Variants in CENPS observed in about 807,000 individuals in gnomAD.
CENPS encodes centromere protein S.
In CENPS, 16 loss-of-function variants were observed where a neutral mutation model predicts 17.9. The ratio of observed to expected loss-of-function variants is 0.90; its 90% CI spans 0.61 to 1.36. The LOEUF (loss-of-function observed/expected upper bound fraction) is 1.36. Among genes scored for constraint, CENPS ranks in the 40% most tolerant of loss-of-function variants. The pLI is 0.00. For missense variants in CENPS, 160 were observed against 158.6 expected (o/e 1.01, Z -0.05); for synonymous variants, 49 against 55.8 (o/e 0.88, Z 0.54).
intron 1 of CENPS, among the ~76,000 whole-genome samples, chr1:10,431,841 G>GAGACTCCGCA (rs1280625633): frequency 1.8e-5 from 2 of 110,070 alleles, no homozygotes; most frequent in African/African-American, 4.3e-5. Context: ...GTGACAGAGC[G>GAGACTCCGCA]AGACTCCATC....
At chr1:10,437,858 A>G (rs1750349) in intron 3 of CENPS, among the ~76,000 whole-genome samples, 72,950 of 143,900 alleles carry the variant, frequency 0.51, 17,869 homozygotes, top group South Asian at 0.6. Context: ...TGCCTTGCGG[A>G]TTCAAGTGAT....
At chr1:10,431,088 A>G in intron 1 of CENPS, 2 of 1,390,548 alleles carry the variant, frequency 1.4e-6, no homozygotes. Flanking sequence ...GATCGTATCG[A>G]CTCGGCCCAG....
chr1:10,434,080 T>C (rs1474684199), intron 2 of CENPS, 115 bp downstream of exon 2: 1 of 1,537,874 alleles, frequency 6.5e-7, no homozygotes, highest in Non-Finnish European at 8.8e-7. Flanking sequence ...AAGAATATTA[T>C]CATCCTCATG....
chr1:10,441,211 G>T (rs1302861666), intron 4 of CENPS, among the ~76,000 whole-genome samples: 1 of 151,200 alleles, frequency 6.6e-6, no homozygotes, highest in Non-Finnish European at 1.5e-5. Flanking sequence ...TTTTGGACAT[G>T]CAGTCTCTCT....
At chr1:10,436,479 A>ATCACCTGAGC (rs1640164391) in intron 3 of CENPS, among the ~76,000 whole-genome samples, 1 of 150,318 alleles carries the variant, frequency 6.7e-6, no homozygotes, top group African/African-American at 2.4e-5. Context: ...AGGCGGGTGG[A>ATCACCTGAGC]TCACCTGAGC....
chr1:10,442,235 CA>C (rs748558053), intron 4 of CENPS, 29 bp from the exon 5 acceptor site: 1 of 1,546,952 alleles, frequency 6.5e-7, no homozygotes, highest in South Asian at 1.2e-5. Context: ...TGGTTACAGC[CA>C]GATATAAATA....
chr1:10,440,258 G>A (rs1165663099), intron 3 of CENPS, 89 bp from the exon 4 acceptor site: 1 of 1,523,616 alleles, frequency 6.6e-7, no homozygotes, highest in African/African-American at 1.4e-5. Flanking sequence ...ATCCCTGCTA[G>A]TTTGAAGTCT....
intron 3 of CENPS, among the ~76,000 whole-genome samples, chr1:10,437,029 T>C (rs148111565): frequency 5.3e-5 from 8 of 152,352 alleles, no homozygotes; most frequent in African/African-American, 1.9e-4. Context: ...AGACTATCAT[T>C]ACCCCAGTTT....
At chr1:10,430,639 G>A (rs892291155) in intron 1 of CENPS, 71 bp downstream of exon 1, 113 of 1,484,590 alleles carry the variant, frequency 7.6e-5, no homozygotes, top group Middle Eastern at 2.4e-4. Flanking sequence ...AAAGTACCCG[G>A]CAGCCCCCGG....
In CENPS at chr1:10,440,216, G is replaced by A. The variant is rs1416877247; in HGVS notation, c.210-131G>A. On this transcript the variant is annotated intron_variant, in intron 3 of 4. Coordinates refer to ENST00000309048, the MANE Select transcript of CENPS (RefSeq NM_199294.3). ...AATTTTTGTGTCACTTTTGCTTAAT[G>A]CCCTTTATCTAAAAGGATGGGCTAC... is the stretch of plus-strand genomic sequence containing the variant. 5 of 1,213,560 alleles carry A rather than the reference G, an allele frequency of 4.1e-6. No homozygotes were observed. The East Asian group carries it at 1.1e-4, about 26-fold the overall frequency. The allele number at this position is 1,213,560 out of a possible 1,614,324, so 75.2% of individuals were successfully genotyped here.
chr1:10,439,712 G>T lies in CENPS; in HGVS notation c.210-635G>T, dbSNP rs1002687067. 8.5e-5 allele frequency among the ~76,000 whole-genome samples: 13 copies of T among 152,152 alleles called. No individual in the cohort carries two copies. In the East Asian group the frequency reaches 2.3e-3, roughly 27 times the overall value. The stretch of plus-strand genomic sequence containing the variant: ...GCCAAGATCGTGCCACTGCCCTCCA[G>T]TCTGGGCGACAGAACGAGACTCTGT... On this transcript the variant is annotated intron_variant, in intron 3 of 4. Coordinates refer to ENST00000309048, the MANE Select transcript of CENPS (RefSeq NM_199294.3).
chr1:10,433,660 C>T (rs372197893), intron 1 of CENPS, among the ~76,000 whole-genome samples, 182 bp from the exon 2 acceptor site: 3 of 152,110 alleles, frequency 2.0e-5, no homozygotes, highest in African/African-American at 7.2e-5. Flanking sequence ...GTAATGTTTC[C>T]ACAAGTCGCA....
At chr1:10,431,175 T>G in intron 1 of CENPS, 3 of 1,467,508 alleles carry the variant, frequency 2.0e-6, no homozygotes, top group Non-Finnish European at 2.7e-6. Flanking sequence ...CATTCGTTCC[T>G]TTCATCAGCG....
chr1:10,440,981 G>A (rs1223204072), intron 4 of CENPS, among the ~76,000 whole-genome samples: 2 of 152,174 alleles, frequency 1.3e-5, no homozygotes, highest in African/African-American at 4.8e-5. Context: ...GCACGTGATG[G>A]CTGTGATAGA....
chr1:10,431,007 C>T (rs1570014506), intron 1 of CENPS: 1 of 1,292,152 alleles, frequency 7.7e-7, no homozygotes, highest in East Asian at 3.7e-5. Context: ...GATGCAGGGA[C>T]GCGGTGCGGA....
At chr1:10,435,941 T>C (rs1640136364) in intron 3 of CENPS, among the ~76,000 whole-genome samples, 1 of 151,850 alleles carries the variant, frequency 6.6e-6, no homozygotes, top group Non-Finnish European at 1.5e-5. Context: ...CACATTAGGC[T>C]TTCGGATATT....
At chr1:10,438,100 A>G (rs1362683198) in intron 3 of CENPS, among the ~76,000 whole-genome samples, 1 of 151,950 alleles carries the variant, frequency 6.6e-6, no homozygotes. Flanking sequence ...TCAATTCACT[A>G]GCAGACTTTG....
At chr1:10,441,894 G>A (rs377448739) in intron 4 of CENPS, among the ~76,000 whole-genome samples, 445 of 152,034 alleles carry the variant, frequency 2.9e-3, no homozygotes, top group African/African-American at 0.01. Context: ...CAAAGTGCTG[G>A]GATTACAGGC....
At chr1:10,432,999 G>A (rs1639989651) in intron 1 of CENPS, among the ~76,000 whole-genome samples, 1 of 152,138 alleles carries the variant, frequency 6.6e-6, no homozygotes, top group African/African-American at 2.4e-5. Context: ...CCTGGACTTG[G>A]GTTTTGGCAG....
Sources: gnomAD v4.1 joint callset for allele counts (sites outside exome capture counted in the v4.1 genomes callset) on GRCh38, gnomAD v4.1.1 for gene constraint, MANE v1.5 for transcripts, NCBI Gene and HGNC (gene_info 2026-07-23, HGNC 2026-07-21) for gene names.